The following COL15A1 variants were observed in gnomAD, a reference collection of about 807,000 sequenced individuals.
COL15A1 encodes the protein collagen type XV alpha 1 chain.
Under a neutral mutation model 165.9 loss-of-function variants are expected in COL15A1, and 111 were observed. That is an observed-to-expected ratio of 0.67 (90% confidence interval 0.57 to 0.78). The LOEUF (loss-of-function observed/expected upper bound fraction) is 0.78, where lower values mean the gene tolerates loss of function less well. COL15A1 is among the 30% of genes least tolerant of loss of function. The pLI is 0.00. For missense variants in COL15A1, 1,745 were observed against 1,789.7 expected (o/e 0.98, Z 0.45); for synonymous variants, 659 against 674.8 (o/e 0.98, Z 0.36).
chr9:98,945,798 A>G (rs1189369185), intron 2 of COL15A1, among the ~76,000 whole-genome samples: 3 of 152,354 alleles, frequency 2.0e-5, no homozygotes, highest in African/African-American at 7.2e-5. Flanking sequence ...TTTGGGTTCC[A>G]TGGTCTTTTG....
chr9:99,015,374 C>T (rs773765825), intron 9 of COL15A1, 43 bp from the exon 10 acceptor site: 1 of 1,477,788 alleles, frequency 6.8e-7, no homozygotes, highest in East Asian at 2.3e-5. Flanking sequence ...GAACCAGGGG[C>T]ATGGGCGAAG....
In COL15A1 at chr9:99,024,887, C is replaced by A. The variant is rs901620406; in HGVS notation, c.1868C>A (p.Pro623His). The change falls in exon 15 of 42, where the codon CCC (proline) becomes CAC (histidine). Residue 623 changes from proline to histidine, a missense_variant. Coordinates refer to ENST00000375001, the MANE Select transcript of COL15A1 (RefSeq NM_001855.5). ...TTGTGTTTTTAGGGTCCTCCAGGAC[C>A]CCCAGGGCCACCTGGCTTACCTGGG... ...SEQLLRGPPGPPGPPGLPGIP... is the reference protein window; with the variant it reads ...SEQLLRGPPGHPGPPGLPGIP... The A allele has an allele frequency of 3.7e-6, 6 of 1,613,706 alleles. No individual in the cohort carries two copies. The highest frequency in any genetic ancestry group is 5.1e-6 in the Non-Finnish European group (6 of 1,179,870).
intron 2 of COL15A1, among the ~76,000 whole-genome samples, chr9:98,976,224 T>G (rs1838140593): frequency 6.6e-6 from 1 of 152,172 alleles, no homozygotes; most frequent in African/African-American, 2.4e-5. Context: ...AAAACCCCCA[T>G]TGGAAATGAA....
chr9:98,995,764 C>T (rs780444482), intron 5 of COL15A1, among the ~76,000 whole-genome samples: 5 of 152,228 alleles, frequency 3.3e-5, no homozygotes, highest in Non-Finnish European at 5.9e-5. Context: ...TCTCTTTTTG[C>T]TCATCTGTAC....
Position 99,036,299 on chromosome 9 carries a change from G to A in COL15A1, c.2326-14G>A, listed in dbSNP as rs1473311360. ...ACAGTGAATTTTTTTCTCACTTCTT[G>A]CTGCTTTGACCAGGGAGAAAGGGGG... On this transcript the variant is annotated splice_polypyrimidine_tract_variant and intron_variant, in intron 20 of 41. Transcript: ENST00000375001. The A allele has an allele frequency of 4.3e-6, 7 of 1,614,014 alleles. No homozygotes were observed. Among genetic ancestry groups the A allele is most frequent in the South Asian group, 1.1e-5 (1 of 91,086 alleles).
intron 16 of COL15A1, 70 bp downstream of exon 16, chr9:99,026,036 A>C: frequency 7.0e-7 from 1 of 1,433,236 alleles, no homozygotes; most frequent in Non-Finnish European, 9.4e-7. Flanking sequence ...CTGACCCCTA[A>C]ACCTGACCTT....
At chr9:99,040,901 A>G (rs1400501265) in intron 23 of COL15A1, 2 of 243,882 alleles carry the variant, frequency 8.2e-6, no homozygotes, top group African/African-American at 4.4e-5. Flanking sequence ...GTTAAAAAAC[A>G]AAAGAGAGAA....
At chr9:98,971,289 C>T (rs1564018984) in intron 2 of COL15A1, among the ~76,000 whole-genome samples, 1 of 152,112 alleles carries the variant, frequency 6.6e-6, no homozygotes. Flanking sequence ...CCTGACAGGC[C>T]CCTTTTTCTC....
chr9:98,969,497 G>GA (rs1838011287), intron 2 of COL15A1, among the ~76,000 whole-genome samples: 1 of 152,208 alleles, frequency 6.6e-6, no homozygotes, highest in Non-Finnish European at 1.5e-5. Context: ...TCCTAGCTCT[G>GA]AAAAAATGTC....
At chr9:99,058,492 G>T (rs982388503) in intron 35 of COL15A1, among the ~76,000 whole-genome samples, 25 of 152,188 alleles carry the variant, frequency 1.6e-4, no homozygotes, top group African/African-American at 5.6e-4. Context: ...ACAGGAGGTG[G>T]AGGCATATTA....
At chr9:99,056,529 T>TC in intron 35 of COL15A1, 125 bp downstream of exon 35, 1 of 1,373,274 alleles carries the variant, frequency 7.3e-7, no homozygotes, top group South Asian at 1.6e-5. Flanking sequence ...CCGCCTTCTT[T>TC]CTTTTTTTTT....
rs1227685780 is a variant in COL15A1 at position 99,055,152 on chromosome 9, G to A, written c.3081+1G>A. 1 of 1,612,648 alleles carries A rather than the reference G, an allele frequency of 6.2e-7. No homozygotes were observed. Among genetic ancestry groups the A allele is most frequent in the East Asian group, 2.2e-5 (1 of 44,896 alleles). ...GAGACACTTTCTGAACAACTTGAAG[G>A]TGAGTATTTCTCTACCAATATTTGG... On this transcript the variant is annotated splice_donor_variant, in intron 33 of 41. Transcript: ENST00000375001. LOFTEE classifies it high-confidence loss of function.
At chr9:99,003,657 G>A in intron 8 of COL15A1, 70 bp downstream of exon 8, 1 of 1,415,416 alleles carries the variant, frequency 7.1e-7, no homozygotes, top group East Asian at 2.6e-5. Flanking sequence ...GGTGGGAGCA[G>A]TCACTGGCTT....
intron 39 of COL15A1, among the ~76,000 whole-genome samples, chr9:99,066,399 C>T (rs1052343949): frequency 4.6e-5 from 7 of 152,120 alleles, no homozygotes; most frequent in African/African-American, 1.7e-4. Context: ...CCAGATCCCT[C>T]ATGTGATCAG....
intron 38 of COL15A1, 30 bp downstream of exon 38, chr9:99,062,334 G>A (rs1394176782): frequency 1.3e-6 from 2 of 1,527,738 alleles, no homozygotes; most frequent in African/African-American, 1.4e-5. Flanking sequence ...GACTGCTCAT[G>A]CATTCATTTA....
intron 16 of COL15A1, among the ~76,000 whole-genome samples, chr9:99,027,440 T>G (rs1839145078): frequency 6.6e-6 from 1 of 152,192 alleles, no homozygotes; most frequent in Non-Finnish European, 1.5e-5. Context: ...TTGTCAAGCT[T>G]TATAGAACTC....
At position 98,943,907 on chromosome 9, in the gene COL15A1, A is replaced by T. The variant is rs1837529500; in HGVS notation, c.-155A>T. On this transcript the variant is annotated 5_prime_UTR_variant, in exon 1 of 42. Coordinates refer to ENST00000375001, the MANE Select transcript of COL15A1 (RefSeq NM_001855.5). ...CTCGGGGCGCGGGCCGGGAGCCGGG[A>T]TTCTGCCCGCCGCCGCCGCTGCCGA... is the stretch of plus-strand genomic sequence containing the variant. 4 of 968,618 alleles carry T rather than the reference A, an allele frequency of 4.1e-6. No homozygotes were observed. The highest frequency in any genetic ancestry group is 5.6e-6 in the Non-Finnish European group (4 of 709,172). 60.0% of individuals were successfully genotyped at this position (968,618 alleles called of 1,614,324 possible).
At chr9:98,962,775 G>A (rs1419775299) in intron 2 of COL15A1, among the ~76,000 whole-genome samples, 4 of 152,224 alleles carry the variant, frequency 2.6e-5, no homozygotes, top group Admixed American at 2.0e-4. Flanking sequence ...TAACACCTGT[G>A]TGTTGAGGGG....
chr9:99,040,374 C>G, intron 22 of COL15A1, 147 bp from the exon 23 acceptor site: 1 of 1,297,896 alleles, frequency 7.7e-7, no homozygotes, highest in African/African-American at 1.5e-5. Context: ...CCTCACAGGG[C>G]CCCTTCTTCC....
Sources: allele counts gnomAD v4.1 joint callset (sites outside exome capture counted in the v4.1 genomes callset), GRCh38; gene constraint gnomAD v4.1.1; transcripts MANE v1.5; gene names NCBI Gene and HGNC (gene_info 2026-07-23, HGNC 2026-07-21).